NAALADL2: variants seen among roughly 807,000 people sequenced by gnomAD.
NAALADL2 encodes inactive N-acetylated-alpha-linked acidic dipeptidase-like protein 2.
NAALADL2 carries 76 observed loss-of-function variants against 87.2 expected under a neutral mutation model. The ratio of observed to expected loss-of-function variants is 0.87; its 90% CI spans 0.72 to 1.05. The LOEUF (loss-of-function observed/expected upper bound fraction) is 1.05. Ranked by LOEUF, NAALADL2 falls within the 50% of genes least tolerant of loss-of-function variation. NAALADL2 has a pLI of 0.00. For missense variants in NAALADL2, 1,089 were observed against 945.8 expected (o/e 1.15, Z -1.99); for synonymous variants, 354 against 331.0 (o/e 1.07, Z -0.75).
At chr3:175,426,981 C>T (rs770557651) in intron 5 of NAALADL2, among the ~76,000 whole-genome samples, 25 of 152,092 alleles carry the variant, frequency 1.6e-4, no homozygotes, top group Non-Finnish European at 3.4e-4. Flanking sequence ...TGTTCACATA[C>T]GTAATGAGTT....
At chr3:175,330,194 T>C (rs1334557093) in intron 5 of NAALADL2, among the ~76,000 whole-genome samples, 1 of 152,172 alleles carries the variant, frequency 6.6e-6, no homozygotes, top group Non-Finnish European at 1.5e-5. Flanking sequence ...GTTTCTATCT[T>C]AAAGAATATA....
intron 6 of NAALADL2, among the ~76,000 whole-genome samples, chr3:175,453,933 T>C (rs1222282946): frequency 1.3e-5 from 2 of 152,142 alleles, no homozygotes; most frequent in African/African-American, 4.8e-5. Flanking sequence ...AAATATATCA[T>C]ACCTTCCGGA....
At chr3:175,491,830 A>G (rs1342809479) in intron 9 of NAALADL2, among the ~76,000 whole-genome samples, 1 of 152,234 alleles carries the variant, frequency 6.6e-6, no homozygotes, top group Non-Finnish European at 1.5e-5. Flanking sequence ...GCAATGATAC[A>G]AATGTTATCA....
At chr3:174,676,489 C>T (rs1262105911) in intron 2 of NAALADL2, among the ~76,000 whole-genome samples, 1 of 151,860 alleles carries the variant, frequency 6.6e-6, no homozygotes, top group Non-Finnish European at 1.5e-5. Flanking sequence ...CTTACATATG[C>T]AAACATTAGG....
At chr3:174,923,697 A>G (rs1035153427) in intron 1 of NAALADL2, among the ~76,000 whole-genome samples, 1 of 152,176 alleles carries the variant, frequency 6.6e-6, no homozygotes, top group African/African-American at 2.4e-5. Flanking sequence ...TCAGGTAAAG[A>G]GAGAACATTA....
chr3:175,796,999 T>G (rs1753577444), intron 13 of NAALADL2, among the ~76,000 whole-genome samples: 1 of 152,106 alleles, frequency 6.6e-6, no homozygotes, highest in Admixed American at 6.6e-5. Context: ...ATTTGTCAGT[T>G]GAGTAAAGAT....
chr3:174,668,296 C>T (rs1252524428), intron 2 of NAALADL2, among the ~76,000 whole-genome samples: 4 of 152,008 alleles, frequency 2.6e-5, no homozygotes, highest in Non-Finnish European at 5.9e-5. Flanking sequence ...GATACTTTCC[C>T]CTTTCCATAC....
At chr3:174,670,101 TG>T (rs1253422784) in intron 2 of NAALADL2, among the ~76,000 whole-genome samples, 2 of 147,402 alleles carry the variant, frequency 1.4e-5, no homozygotes, top group African/African-American at 4.9e-5. Context: ...CCTGCAACTT[TG>T]CTAAATTTCC....
intron 13 of NAALADL2, among the ~76,000 whole-genome samples, chr3:175,758,985 A>C (rs1014931815): frequency 6.6e-6 from 1 of 152,134 alleles, no homozygotes. Context: ...ATCATGTCCC[A>C]AAAAAATATC....
intron 5 of NAALADL2, among the ~76,000 whole-genome samples, chr3:175,407,070 A>C (rs1486396503): frequency 1.3e-5 from 2 of 151,940 alleles, no homozygotes; most frequent in African/African-American, 4.8e-5. Context: ...TGTAATCCCA[A>C]CTACTTGTGA....
intron 3 of NAALADL2, among the ~76,000 whole-genome samples, chr3:174,795,798 T>C (rs1718012694): frequency 6.6e-6 from 1 of 152,216 alleles, no homozygotes; most frequent in Admixed American, 6.5e-5. Flanking sequence ...TATTTGAGCA[T>C]TTTATGTGCT....
intron 1 of NAALADL2, among the ~76,000 whole-genome samples, chr3:174,934,528 T>C (rs1204415032): frequency 6.6e-6 from 1 of 152,068 alleles, no homozygotes; most frequent in Non-Finnish European, 1.5e-5. Flanking sequence ...ATATCAACCA[T>C]GTGCCGAGCG....
chr3:175,757,181 G>C (rs1487217703), intron 13 of NAALADL2, among the ~76,000 whole-genome samples: 1 of 151,686 alleles, frequency 6.6e-6, no homozygotes, highest in Non-Finnish European at 1.5e-5. Context: ...ATACACCCTG[G>C]ACTAGACATA....
At chr3:174,953,941 C>T (rs1194695400) in intron 1 of NAALADL2, among the ~76,000 whole-genome samples, 1 of 151,982 alleles carries the variant, frequency 6.6e-6, no homozygotes, top group Non-Finnish European at 1.5e-5. Flanking sequence ...AGTTAAGGCA[C>T]TTGAAGCTAA....
intron 6 of NAALADL2, among the ~76,000 whole-genome samples, chr3:175,453,532 C>T (rs1581950975): frequency 6.6e-6 from 1 of 152,262 alleles, no homozygotes; most frequent in East Asian, 1.9e-4. Context: ...GACGTAGCCT[C>T]TCTTTATGAC....
chr3:174,614,550 C>A (rs1384017698), intron 2 of NAALADL2, among the ~76,000 whole-genome samples: 1 of 152,186 alleles, frequency 6.6e-6, no homozygotes, highest in Non-Finnish European at 1.5e-5. Context: ...TTCTCTCCAC[C>A]ACACTGCCAC....
In NAALADL2 at chr3:175,610,376, T is replaced by C. The variant is rs192122891; in HGVS notation, c.1801-16915T>C. On this transcript the variant is annotated intron_variant, in intron 10 of 13. Coordinates refer to ENST00000454872, the MANE Select transcript of NAALADL2 (RefSeq NM_207015.3). ...ACTGTGTTTTTTTTTACATGTTCAA[T>C]GTACAGATAATGACCTGTAGCATAA... is the stretch of plus-strand genomic sequence containing the variant. Among the ~76,000 whole-genome samples the C allele has an allele frequency of 1.1e-3, 174 of 152,256 alleles. 1 individual carries two copies. Among genetic ancestry groups the C allele is most frequent in the African/African-American group, 3.9e-3 (163 of 41,562 alleles).
chr3:175,135,164 C>T (rs1008764450), intron 2 of NAALADL2, among the ~76,000 whole-genome samples: 1 of 151,934 alleles, frequency 6.6e-6, no homozygotes, highest in South Asian at 2.1e-4. Flanking sequence ...TGCTTAAAAT[C>T]GCTGTAAGTG....
chr3:175,149,114 T>C (rs1731185998), intron 2 of NAALADL2, among the ~76,000 whole-genome samples: 1 of 152,186 alleles, frequency 6.6e-6, no homozygotes, highest in Non-Finnish European at 1.5e-5. Flanking sequence ...GTGTGTGTCA[T>C]CTGTGATTTC....
Sources: allele counts gnomAD v4.1 joint callset (sites outside exome capture counted in the v4.1 genomes callset), GRCh38; gene constraint gnomAD v4.1.1; transcripts MANE v1.5; gene names NCBI Gene and HGNC (gene_info 2026-07-23, HGNC 2026-07-21).